LRP1B: variants seen among roughly 807,000 people sequenced by gnomAD.
LRP1B encodes LDL receptor related protein 1B, also known as low-density lipoprotein receptor-related protein 1B.
In LRP1B, 217 loss-of-function variants were observed where a neutral mutation model predicts 556.6. The ratio of observed to expected loss-of-function variants is 0.39; its 90% confidence interval spans 0.35 to 0.44. The LOEUF (loss-of-function observed/expected upper bound fraction) is 0.44, where lower values mean the gene tolerates loss of function less well. Among genes scored for constraint, LRP1B ranks in the 20% least tolerant of loss-of-function variants. LRP1B has a pLI of 1.00. For missense variants in LRP1B, 5,053 were observed against 5,620.8 expected (o/e 0.90, Z 3.23); for synonymous variants, 2,047 against 1,865.8 (o/e 1.10, Z -2.50).
intron 44 of LRP1B, 76 bp from the exon 45 acceptor site, chr2:140,541,174 C>G (rs556509624): frequency 9.7e-6 from 12 of 1,239,808 alleles, no homozygotes; most frequent in Non-Finnish European, 1.4e-5. Context: ...TAATCGTAAA[C>G]TATTAGACTG....
At chr2:141,797,520 C>T (rs1173453374) in intron 2 of LRP1B, among the ~76,000 whole-genome samples, 2 of 151,884 alleles carry the variant, frequency 1.3e-5, no homozygotes, top group African/African-American at 4.8e-5. Flanking sequence ...AATTTATCAG[C>T]CCCATTCTTC....
At chr2:140,566,613 A>C (rs1195066936) in intron 43 of LRP1B, among the ~76,000 whole-genome samples, 1 of 152,104 alleles carries the variant, frequency 6.6e-6, no homozygotes, top group Non-Finnish European at 1.5e-5. Flanking sequence ...TCCCAGGGAC[A>C]TGATGCTTTG....
intron 66 of LRP1B, among the ~76,000 whole-genome samples, chr2:140,391,936 G>C (rs1684040150): frequency 6.6e-6 from 1 of 152,084 alleles, no homozygotes; most frequent in African/African-American, 2.4e-5. Flanking sequence ...GTATCCCAAA[G>C]TAATGGGAAA....
At chr2:140,323,266 G>C (rs1270656861) in intron 81 of LRP1B, among the ~76,000 whole-genome samples, 1 of 151,950 alleles carries the variant, frequency 6.6e-6, no homozygotes, top group Admixed American at 6.6e-5. Flanking sequence ...ATTTTCAAGA[G>C]AATTACCTTA....
intron 66 of LRP1B, among the ~76,000 whole-genome samples, chr2:140,387,161 G>A (rs1683794381): frequency 6.6e-6 from 1 of 152,142 alleles, no homozygotes; most frequent in South Asian, 2.1e-4. Flanking sequence ...TACTAGAGAT[G>A]GATAGTGAAG....
At chr2:141,092,449 T>C (rs1337717850) in intron 7 of LRP1B, among the ~76,000 whole-genome samples, 1 of 152,174 alleles carries the variant, frequency 6.6e-6, no homozygotes, top group Non-Finnish European at 1.5e-5. Context: ...AAATGTTGAC[T>C]ATATGTTTGG....
chr2:141,214,039 G>GT (rs576667873), intron 6 of LRP1B, among the ~76,000 whole-genome samples: 5 of 151,738 alleles, frequency 3.3e-5, no homozygotes, highest in African/African-American at 4.8e-5. Context: ...TTACTGTTTT[G>GT]TTTTTTTCCT....
chr2:141,122,389 TCAAA>T (rs1701078690), intron 7 of LRP1B, among the ~76,000 whole-genome samples: 1 of 120,798 alleles, frequency 8.3e-6, no homozygotes, highest in Admixed American at 9.4e-5. Flanking sequence ...TACAAATAAC[TCAAA>T]CAAACTTACA....
intron 43 of LRP1B, among the ~76,000 whole-genome samples, chr2:140,571,674 A>T (rs893260197): frequency 6.6e-6 from 1 of 151,836 alleles, no homozygotes; most frequent in Non-Finnish European, 1.5e-5. Context: ...ATATGAAATC[A>T]CAAAATTTCC....
intron 1 of LRP1B, among the ~76,000 whole-genome samples, chr2:141,973,552 T>C (rs1371402541): frequency 6.6e-6 from 1 of 151,830 alleles, no homozygotes; most frequent in Non-Finnish European, 1.5e-5. Flanking sequence ...TACCTTGCAA[T>C]GTTTCAAGCA....
At chr2:141,143,757 C>T (rs1161344180) in intron 7 of LRP1B, among the ~76,000 whole-genome samples, 2 of 152,054 alleles carry the variant, frequency 1.3e-5, no homozygotes, top group South Asian at 2.1e-4. Flanking sequence ...GCTCTATCTC[C>T]CCCCAGTCTT....
chr2:140,594,696 T>G (rs774695380), intron 43 of LRP1B, among the ~76,000 whole-genome samples: 49 of 152,172 alleles, frequency 3.2e-4, no homozygotes, highest in Non-Finnish European at 5.9e-4. Context: ...CCTGGGGATA[T>G]CTGATTTCCC....
chr2:141,119,820 G>A (rs1340453006), intron 7 of LRP1B, among the ~76,000 whole-genome samples: 6 of 151,662 alleles, frequency 4.0e-5, no homozygotes, highest in African/African-American at 1.5e-4. Flanking sequence ...CACAGAGCAG[G>A]GGATAAAGAG....
chr2:140,871,998 CTA>C (rs946916375), intron 25 of LRP1B, among the ~76,000 whole-genome samples: 30 of 145,664 alleles, frequency 2.1e-4, no homozygotes, highest in African/African-American at 7.1e-4. Context: ...GTGTATGTGT[CTA>C]TGTGTGTCTA....
chr2:141,039,973 A>G (rs1179393382), intron 11 of LRP1B, among the ~76,000 whole-genome samples: 1 of 152,134 alleles, frequency 6.6e-6, no homozygotes, highest in African/African-American at 2.4e-5. Context: ...AAATTCTATG[A>G]AAATGTCTTA....
At chr2:141,958,696 G>T (rs1283650317) in intron 1 of LRP1B, among the ~76,000 whole-genome samples, 2 of 151,870 alleles carry the variant, frequency 1.3e-5, no homozygotes, top group Non-Finnish European at 2.9e-5. Context: ...CTTTAAAATA[G>T]AGGTGTTTCT....
At chr2:141,435,562 C>T (rs1044076973) in intron 3 of LRP1B, among the ~76,000 whole-genome samples, 2 of 152,156 alleles carry the variant, frequency 1.3e-5, no homozygotes, top group African/African-American at 2.4e-5. Context: ...TATAACTTAC[C>T]TTTCCCCTCA....
At chr2:141,019,786 A>G in intron 12 of LRP1B, 136 bp downstream of exon 12, 1 of 578,378 alleles carries the variant, frequency 1.7e-6, no homozygotes, top group Non-Finnish European at 2.8e-6. Context: ...TTAAATGTGT[A>G]ACTTTACCCA....
intron 2 of LRP1B, among the ~76,000 whole-genome samples, chr2:141,486,190 A>G (rs897343793): frequency 3.3e-5 from 5 of 152,130 alleles, no homozygotes; most frequent in Admixed American, 6.6e-5. Context: ...AAACTCCATC[A>G]TTGGGTGACC....
Sources: allele counts gnomAD v4.1 joint callset (sites outside exome capture counted in the v4.1 genomes callset), GRCh38; gene constraint gnomAD v4.1.1; transcripts MANE v1.5; gene names NCBI Gene and HGNC (gene_info 2026-07-23, HGNC 2026-07-21).